DPYD: variants seen among roughly 807,000 people sequenced by gnomAD.
The protein encoded by DPYD is dihydropyrimidine dehydrogenase [NADP(+)].
DPYD carries 109 observed loss-of-function variants against 116.2 expected under a neutral mutation model. The observed-to-expected ratio is 0.94, with a 90% CI of 0.80 to 1.10. The LOEUF is 1.10. Among genes scored for constraint, DPYD ranks in the 50% least tolerant of loss-of-function variants. The pLI, the probability that DPYD is intolerant of heterozygous loss-of-function variation, is 0.00. For missense variants in DPYD, 1,302 were observed against 1,254.5 expected, an observed-to-expected ratio of 1.04 and a Z score of -0.57; for synonymous variants, 440 against 432.0, an observed-to-expected ratio of 1.02 and a Z score of -0.23.
intron 19 of DPYD, among the ~76,000 whole-genome samples, chr1:97,213,241 C>G (rs1001828243): frequency 5.9e-5 from 9 of 152,098 alleles, no homozygotes; most frequent in African/African-American, 2.2e-4. Context: ...AACATTCAAT[C>G]TATAACAATA....
At chr1:97,561,093 A>C (rs1020883187) in intron 11 of DPYD, among the ~76,000 whole-genome samples, 3 of 152,216 alleles carry the variant, frequency 2.0e-5, no homozygotes, top group Non-Finnish European at 4.4e-5. Flanking sequence ...TTGTTACAAT[A>C]AAATAGGACA....
chr1:97,391,766 C>T (rs1672717737), intron 14 of DPYD, among the ~76,000 whole-genome samples: 1 of 152,010 alleles, frequency 6.6e-6, no homozygotes, highest in African/African-American at 2.4e-5. Context: ...TCATATCACA[C>T]TTTGGCTTCA....
chr1:97,567,908 C>T (rs1047945963), intron 11 of DPYD, among the ~76,000 whole-genome samples: 1 of 151,858 alleles, frequency 6.6e-6, no homozygotes, highest in African/African-American at 2.4e-5. Flanking sequence ...TTTTAGGGTA[C>T]ATATGCACAA....
chr1:97,261,293 T>A (rs779561712), intron 18 of DPYD, among the ~76,000 whole-genome samples: 1 of 152,020 alleles, frequency 6.6e-6, no homozygotes, highest in African/African-American at 2.4e-5. Flanking sequence ...GGCACTGTGA[T>A]GGACACCTTT....
At chr1:97,396,265 A>G (rs1029870934) in intron 14 of DPYD, among the ~76,000 whole-genome samples, 97 of 152,002 alleles carry the variant, frequency 6.4e-4, no homozygotes, top group African/African-American at 2.3e-3. Flanking sequence ...TTAAATAACT[A>G]CTCACAGTTG....
chr1:97,690,260 A>T (rs1660945570), intron 7 of DPYD, among the ~76,000 whole-genome samples: 1 of 152,050 alleles, frequency 6.6e-6, no homozygotes. Context: ...GACTATAGCT[A>T]AGATATATTT....
At chr1:97,784,948 A>G (rs1309573478) in intron 3 of DPYD, among the ~76,000 whole-genome samples, 1 of 152,228 alleles carries the variant, frequency 6.6e-6, no homozygotes, top group African/African-American at 2.4e-5. Flanking sequence ...TTGTGTGAGG[A>G]TATAATGTGC....
intron 20 of DPYD, among the ~76,000 whole-genome samples, chr1:97,182,176 G>A (rs1178314522): frequency 6.6e-6 from 1 of 152,072 alleles, no homozygotes; most frequent in African/African-American, 2.4e-5. Context: ...ACAAGATGGG[G>A]CTAACAAATT....
At chr1:97,682,844 T>C (rs1660498324) in intron 7 of DPYD, among the ~76,000 whole-genome samples, 1 of 152,114 alleles carries the variant, frequency 6.6e-6, no homozygotes, top group South Asian at 2.1e-4. Context: ...AGATATTTCC[T>C]ACCTAAATTC....
chr1:97,666,499 T>C lies in DPYD; in HGVS notation c.850+12596A>G, dbSNP rs554519905. 1.2e-4 allele frequency among the ~76,000 whole-genome samples: 18 copies of C among 152,226 alleles called. 1 individual carries two copies. The highest frequency in any genetic ancestry group is 7.8e-4 in the Admixed American group (12 of 15,288). ...TTCTTGGTTGTGTGTGTGTGTTTTT[T>C]TTCTTTGATTACAAAATCAAGTATA... is the stretch of plus-strand genomic sequence containing the variant. On this transcript the variant is annotated intron_variant, in intron 8 of 22. Transcript: ENST00000370192.
At chr1:97,098,687 G>A in intron 20 of DPYD, 55 bp from the exon 21 acceptor site, 1 of 1,586,754 alleles carries the variant, frequency 6.3e-7, no homozygotes, top group Admixed American at 1.7e-5. Flanking sequence ...AGAGAAAAAT[G>A]GGAAGATATA....
chr1:97,642,779 C>T (rs1198286636), intron 8 of DPYD, among the ~76,000 whole-genome samples: 1 of 148,786 alleles, frequency 6.7e-6, no homozygotes, highest in Non-Finnish European at 1.5e-5. Context: ...ATACCTAATG[C>T]TAAATGACGA....
intron 10 of DPYD, among the ~76,000 whole-genome samples, chr1:97,574,972 A>G (rs1181771839): frequency 6.6e-6 from 1 of 152,182 alleles, no homozygotes; most frequent in Middle Eastern, 3.2e-3. Context: ...ACATAAAATA[A>G]TTAACTCAAT....
At chr1:97,162,287 CA>C (rs1218695980) in intron 20 of DPYD, among the ~76,000 whole-genome samples, 17 of 152,142 alleles carry the variant, frequency 1.1e-4, no homozygotes, top group Admixed American at 7.2e-4. Context: ...GATGGTATCT[CA>C]TTGTGGTTTT....
At chr1:97,292,596 A>T (rs1666269601) in intron 18 of DPYD, among the ~76,000 whole-genome samples, 1 of 152,164 alleles carries the variant, frequency 6.6e-6, no homozygotes, top group Non-Finnish European at 1.5e-5. Context: ...TGGCCAAACC[A>T]TATCACAAGC....
chr1:97,397,713 C>A (rs993864319), intron 14 of DPYD, among the ~76,000 whole-genome samples: 5 of 151,974 alleles, frequency 3.3e-5, no homozygotes, highest in Non-Finnish European at 5.9e-5. Flanking sequence ...CATTTTAGCA[C>A]TAAATAATAT....
intron 20 of DPYD, among the ~76,000 whole-genome samples, chr1:97,160,570 C>T (rs1234279051): frequency 1.3e-5 from 2 of 152,084 alleles, no homozygotes; most frequent in East Asian, 1.9e-4. Context: ...AAGAGATTTA[C>T]CCTCTGCTAT....
At chr1:97,511,926 A>C (rs1647832329) in intron 13 of DPYD, among the ~76,000 whole-genome samples, 1 of 151,966 alleles carries the variant, frequency 6.6e-6, no homozygotes. Context: ...AATTTCACTG[A>C]CATTTTCATT....
At chr1:97,899,101 G>GT (rs200811669) in intron 1 of DPYD, among the ~76,000 whole-genome samples, 4,088 of 143,674 alleles carry the variant, frequency 0.028, 174 homozygotes, top group East Asian at 0.23. Context: ...GTTTTGTTTT[G>GT]TTTTTTTTTT....
Sources: gnomAD v4.1 joint callset for allele counts (sites outside exome capture counted in the v4.1 genomes callset) on GRCh38, gnomAD v4.1.1 for gene constraint, MANE v1.5 for transcripts, NCBI Gene and HGNC (gene_info 2026-07-23, HGNC 2026-07-21) for gene names.